The following SGCZ variants were observed in gnomAD, a reference collection of about 807,000 sequenced individuals.
The protein encoded by SGCZ is zeta-sarcoglycan.
SGCZ carries 40 observed loss-of-function variants against 41.3 expected under a neutral mutation model. That is an observed-to-expected ratio of 0.97 (90% CI 0.75 to 1.26). The LOEUF is 1.26. Among genes scored for constraint, SGCZ ranks in the 50% most tolerant of loss-of-function variants. The probability of loss-of-function intolerance (pLI) is 0.00; values close to 1 mark genes in which losing one functional copy is unlikely to be tolerated. For synonymous variants in SGCZ, 206 were observed against 137.5 expected (o/e 1.50, Z -3.49); for missense variants, 552 against 369.8 (o/e 1.49, Z -4.04).
intron 2 of SGCZ, among the ~76,000 whole-genome samples, chr8:14,477,630 C>G (rs2116995077): frequency 6.6e-6 from 1 of 152,228 alleles, no homozygotes; most frequent in East Asian, 1.9e-4. Flanking sequence ...CTCTATTTAG[C>G]TAAGTCTAGT....
intron 3 of SGCZ, among the ~76,000 whole-genome samples, chr8:14,278,625 C>G (rs542168171): frequency 2.6e-5 from 4 of 152,106 alleles, no homozygotes; most frequent in Non-Finnish European, 2.9e-5. Flanking sequence ...TATATATTCT[C>G]TATATTGCTA....
intron 2 of SGCZ, among the ~76,000 whole-genome samples, chr8:14,383,135 G>T (rs1227889332): frequency 6.6e-6 from 1 of 152,136 alleles, no homozygotes; most frequent in Non-Finnish European, 1.5e-5. Context: ...TACAAAGTCT[G>T]CAGTAGATAT....
intron 1 of SGCZ, among the ~76,000 whole-genome samples, chr8:15,202,236 G>A (rs1454160206): frequency 6.6e-6 from 1 of 152,178 alleles, no homozygotes; most frequent in African/African-American, 2.4e-5. Context: ...AAATCTTTCT[G>A]TAGAGGCCAA....
chr8:14,862,212 T>C (rs1168775586), intron 1 of SGCZ, among the ~76,000 whole-genome samples: 3 of 152,000 alleles, frequency 2.0e-5, no homozygotes, highest in African/African-American at 7.2e-5. Flanking sequence ...TTTCCTATTA[T>C]TCAAATTGGA....
intron 1 of SGCZ, among the ~76,000 whole-genome samples, chr8:15,025,160 C>A (rs564229076): frequency 6.6e-6 from 1 of 152,124 alleles, no homozygotes; most frequent in South Asian, 2.1e-4. Context: ...AATTCATAGT[C>A]TATTCTAAGT....
intron 2 of SGCZ, among the ~76,000 whole-genome samples, chr8:14,349,602 G>A (rs1585393896): frequency 1.3e-5 from 2 of 152,054 alleles, no homozygotes; most frequent in Admixed American, 6.6e-5. Flanking sequence ...TCCTAGTGGA[G>A]GACAGATTAA....
chr8:14,722,028 T>C (rs540554526), intron 1 of SGCZ, among the ~76,000 whole-genome samples: 21 of 152,242 alleles, frequency 1.4e-4, no homozygotes, highest in Non-Finnish European at 2.9e-4. Flanking sequence ...TGATCTTCTT[T>C]TGAATGTCAT....
intron 1 of SGCZ, among the ~76,000 whole-genome samples, chr8:15,154,756 C>T (rs1454605147): frequency 8.5e-5 from 13 of 152,228 alleles, no homozygotes; most frequent in Admixed American, 3.9e-4. Context: ...TTTAGTAATT[C>T]GACTGAGACA....
chr8:14,303,972 G>A (rs968757628), intron 3 of SGCZ, among the ~76,000 whole-genome samples: 13 of 151,804 alleles, frequency 8.6e-5, no homozygotes, highest in South Asian at 2.1e-4. Flanking sequence ...AGCTGGCCTC[G>A]AACTCCTGAC....
chr8:14,753,619 A>T (rs968972375), intron 1 of SGCZ, among the ~76,000 whole-genome samples: 86 of 152,198 alleles, frequency 5.7e-4, no homozygotes, highest in Non-Finnish European at 1.6e-4. Flanking sequence ...CATGGTCTGG[A>T]CCACAAAAAT....
intron 2 of SGCZ, among the ~76,000 whole-genome samples, chr8:14,552,166 G>C (rs763638431): frequency 6.6e-6 from 1 of 151,976 alleles, no homozygotes; most frequent in African/African-American, 2.4e-5. Flanking sequence ...TAATGCACTA[G>C]TAAAAACATA....
chr8:14,845,910 G>C (rs1003475835), intron 1 of SGCZ, among the ~76,000 whole-genome samples: 1 of 152,122 alleles, frequency 6.6e-6, no homozygotes, highest in Non-Finnish European at 1.5e-5. Context: ...AATATCAGAC[G>C]AAGTGGTCCT....
intron 1 of SGCZ, among the ~76,000 whole-genome samples, chr8:14,761,492 T>C (rs1023479127): frequency 2.0e-5 from 3 of 150,842 alleles, no homozygotes; most frequent in Non-Finnish European, 4.4e-5. Context: ...AGATTAATTG[T>C]ACATGTTTCT....
intron 1 of SGCZ, among the ~76,000 whole-genome samples, chr8:14,899,624 T>C (rs1423203278): frequency 1.3e-5 from 2 of 152,170 alleles, no homozygotes; most frequent in Non-Finnish European, 2.9e-5. Context: ...TGTAAATTGC[T>C]GTGCTAGGTT....
chr8:15,007,570 G>A (rs1802652005), intron 1 of SGCZ, among the ~76,000 whole-genome samples: 1 of 152,126 alleles, frequency 6.6e-6, no homozygotes, highest in African/African-American at 2.4e-5. Flanking sequence ...TTTCTCAATC[G>A]TCTCATCCGT....
At chr8:14,583,562 A>C (rs891787982) in intron 1 of SGCZ, among the ~76,000 whole-genome samples, 1 of 152,076 alleles carries the variant, frequency 6.6e-6, no homozygotes, top group Non-Finnish European at 1.5e-5. Context: ...TTGATGTTTT[A>C]GACATGAAGT....
At chr8:15,105,458 G>A (rs1057032966) in intron 1 of SGCZ, among the ~76,000 whole-genome samples, 3 of 152,160 alleles carry the variant, frequency 2.0e-5, no homozygotes, top group African/African-American at 4.8e-5. Flanking sequence ...GGCAGAAGGT[G>A]AGGGGGAAGT....
At chr8:14,731,400 G>C (rs1244174163) in intron 1 of SGCZ, among the ~76,000 whole-genome samples, 2 of 151,978 alleles carry the variant, frequency 1.3e-5, no homozygotes, top group Non-Finnish European at 2.9e-5. Flanking sequence ...TGGGGGGATA[G>C]GGGAGGGAGA....
intron 1 of SGCZ, among the ~76,000 whole-genome samples, chr8:14,706,653 G>T (rs888532730): frequency 5.9e-5 from 9 of 152,088 alleles, no homozygotes; most frequent in African/African-American, 1.9e-4. Flanking sequence ...TCCTATACTA[G>T]AAACCAGGTT....
Sources: gnomAD v4.1 joint callset for allele counts (sites outside exome capture counted in the v4.1 genomes callset) on GRCh38, gnomAD v4.1.1 for gene constraint, MANE v1.5 for transcripts, NCBI Gene and HGNC (gene_info 2026-07-23, HGNC 2026-07-21) for gene names.